MYCBP2: variants seen among roughly 807,000 people sequenced by gnomAD.
MYCBP2 encodes E3 ubiquitin-protein ligase MYCBP2.
MYCBP2 carries 120 observed loss-of-function variants against 525.3 expected under a neutral mutation model. The ratio of observed to expected loss-of-function variants is 0.23; its 90% CI spans 0.20 to 0.27. The LOEUF is 0.27. Ranked by LOEUF, MYCBP2 falls within the 10% of genes least tolerant of loss-of-function variation. The pLI, the probability that MYCBP2 is intolerant of heterozygous loss-of-function variation, is 1.00. For missense variants in MYCBP2, 4,149 were observed against 5,657.1 expected (o/e 0.73, Z 8.55); for synonymous variants, 1,894 against 1,955.8 (o/e 0.97, Z 0.83).
At chr13:77,071,383 T>C (rs1423324639) in intron 68 of MYCBP2, among the ~76,000 whole-genome samples, 1 of 151,622 alleles carries the variant, frequency 6.6e-6, no homozygotes, top group Non-Finnish European at 1.5e-5. Context: ...GTAAGAAAAC[T>C]GAGGTAAGAA....
Position 77,212,158 on chromosome 13 carries a change from T to C in MYCBP2, c.3060A>G (p.Lys1020=), listed in dbSNP as rs776925836. ...GQVFTFGSFS[K]GQLGRPILDV... ...CCAAAATTGGTCTGCCCAGTTGTCC[T>C]TTCTAAAAGATTAAATAAACCATAT... is the stretch of plus-strand genomic sequence containing the variant. The change falls in exon 22 of 83, where the codon AAA becomes AAG. Residue 1020 remains lysine (K), a splice_region_variant and synonymous_variant. Transcript: ENST00000544440. 1 of 1,613,612 alleles carries C rather than the reference T, an allele frequency of 6.2e-7. No individual in the cohort carries two copies. The highest frequency in any genetic ancestry group is 8.5e-7 in the Non-Finnish European group (1 of 1,179,754).
intron 29 of MYCBP2, 108 bp from the exon 30 acceptor site, chr13:77,189,155 A>T (rs1234785548): frequency 1.3e-6 from 1 of 753,262 alleles, no homozygotes. Flanking sequence ...ATATATTTAA[A>T]TTTTTTTGCC....
chr13:77,103,604 C>G (rs1002924210), intron 55 of MYCBP2, among the ~76,000 whole-genome samples: 1 of 151,958 alleles, frequency 6.6e-6, no homozygotes, highest in African/African-American at 2.4e-5. Context: ...TTTAGACTTA[C>G]ATTTCTTTGG....
intron 54 of MYCBP2, 37 bp downstream of exon 54, chr13:77,125,299 C>T: frequency 6.2e-7 from 1 of 1,611,494 alleles, no homozygotes; most frequent in Non-Finnish European, 8.5e-7. Flanking sequence ...TATTTGAAAG[C>T]TTAATTGGAA....
At chr13:77,254,605 C>T (rs1376363788) in intron 14 of MYCBP2, among the ~76,000 whole-genome samples, 1 of 151,752 alleles carries the variant, frequency 6.6e-6, no homozygotes, top group Non-Finnish European at 1.5e-5. Flanking sequence ...GTCAAGATAA[C>T]TGGGATATTC....
intron 63 of MYCBP2, among the ~76,000 whole-genome samples, chr13:77,082,602 G>A (rs2043489452): frequency 6.6e-6 from 1 of 152,114 alleles, no homozygotes; most frequent in African/African-American, 2.4e-5. Flanking sequence ...GGAATCTGTT[G>A]AGCATCTGTG....
intron 37 of MYCBP2, among the ~76,000 whole-genome samples, chr13:77,172,827 G>A (rs1194409235): frequency 6.6e-6 from 1 of 152,236 alleles, no homozygotes; most frequent in Non-Finnish European, 1.5e-5. Flanking sequence ...CAGCATTCTG[G>A]TTAAGGGTGT....
chr13:77,050,961 G>T lies in MYCBP2; in HGVS notation c.13921+36C>A, dbSNP rs140730309. The T allele has an allele frequency of 2.5e-3, 3,865 of 1,552,040 alleles. 6 individuals carry two copies. Among genetic ancestry groups the T allele is most frequent in the Non-Finnish European group, 3.0e-3 (3,381 of 1,140,624 alleles). Reference sequence around the variant, plus strand: ...TGTTTACATAAAACTATGGTATATAGATCATAATCGTGATTTTAAAATATT... The same window carrying T: ...TGTTTACATAAAACTATGGTATATATATCATAATCGTGATTTTAAAATATT... On this transcript the variant is annotated intron_variant, in intron 82 of 82. Transcript: ENST00000544440.
At chr13:77,244,421 T>C (rs952704238) in intron 15 of MYCBP2, among the ~76,000 whole-genome samples, 1 of 152,142 alleles carries the variant, frequency 6.6e-6, no homozygotes, top group Admixed American at 6.5e-5. Context: ...TCCTTCCCAT[T>C]CCCTATTTAA....
chr13:77,211,969 A>T lies in MYCBP2; in HGVS notation c.3249T>A (p.Ser1083Arg). The T allele has an allele frequency of 6.2e-7, 1 of 1,613,850 alleles. No homozygotes were observed. Among genetic ancestry groups the T allele is most frequent in the Non-Finnish European group, 8.5e-7 (1 of 1,179,794 alleles). The change falls in exon 22 of 83, where the codon AGT (serine) becomes AGA (arginine). Residue 1083 changes from serine to arginine, a missense_variant. Ser to Arg is a moderately radical substitution (Grantham distance 110). Transcript: ENST00000544440. ...TTCTGGTATTACCTATTATGTGTTTACTGGCAAAAATTTCTGATGTAGCAA... is the reference window on the plus strand; with the variant it reads ...TTCTGGTATTACCTATTATGTGTTTTCTGGCAAAAATTTCTGATGTAGCAA... ...HVLATSEIFA[S>R]KHIIGLVPAS... is the part of the protein sequence containing the mutation.
At chr13:77,276,043 T>C (rs1404402278) in intron 4 of MYCBP2, among the ~76,000 whole-genome samples, 5 of 152,204 alleles carry the variant, frequency 3.3e-5, no homozygotes, top group Admixed American at 1.3e-4. Flanking sequence ...TTTATCCACA[T>C]TTGTAATTAT....
intron 39 of MYCBP2, 32 bp downstream of exon 39, chr13:77,169,582 A>T (rs1244140461): frequency 6.4e-7 from 1 of 1,563,392 alleles, no homozygotes; most frequent in Non-Finnish European, 8.8e-7. Flanking sequence ...ATTTAAAAAA[A>T]ACATTCAAAG....
At chr13:77,282,043 A>C (rs2076241340) in intron 3 of MYCBP2, among the ~76,000 whole-genome samples, 1 of 152,196 alleles carries the variant, frequency 6.6e-6, no homozygotes, top group South Asian at 2.1e-4. Flanking sequence ...AAATTTAAAA[A>C]TCTAGAGACA....
intron 39 of MYCBP2, among the ~76,000 whole-genome samples, chr13:77,169,280 C>T (rs1383422069): frequency 6.6e-6 from 1 of 151,674 alleles, no homozygotes; most frequent in Non-Finnish European, 1.5e-5. Flanking sequence ...CCTGTAGTCC[C>T]AGCAACTCGG....
chr13:77,079,669 T>C (rs2042957067), intron 65 of MYCBP2, among the ~76,000 whole-genome samples: 1 of 152,170 alleles, frequency 6.6e-6, no homozygotes, highest in Admixed American at 6.6e-5. Flanking sequence ...TATTTGGGAC[T>C]AGAAGTGTTT....
chr13:77,107,154 T>G (rs1444953863), intron 55 of MYCBP2, among the ~76,000 whole-genome samples: 1 of 152,198 alleles, frequency 6.6e-6, no homozygotes, highest in Non-Finnish European at 1.5e-5. Context: ...CCAGTCATTG[T>G]GCATTTCTAT....
intron 19 of MYCBP2, among the ~76,000 whole-genome samples, 165 bp downstream of exon 19, chr13:77,225,270 T>C (rs1160540470): frequency 1.3e-5 from 2 of 152,178 alleles, no homozygotes; most frequent in Non-Finnish European, 2.9e-5. Flanking sequence ...GCCATAGTTG[T>C]TTAAAGAGAT....
In MYCBP2 at chr13:77,111,483, G is replaced by A. The variant is rs879908145; in HGVS notation, c.8140+9890C>T. 4.8e-4 allele frequency among the ~76,000 whole-genome samples: 72 copies of A among 150,580 alleles called. 2 individuals carry two copies. The highest frequency in any genetic ancestry group is 8.4e-4 in the Non-Finnish European group (57 of 67,744). On this transcript the variant is annotated intron_variant, in intron 55 of 82. Transcript: ENST00000544440. The stretch of plus-strand genomic sequence containing the variant: ...GGCAGGGTCTTGCTCTTTTCGCCCA[G>A]GCTGCTCACTGCAGCCTCAAACTCC...
At chr13:77,261,406 G>A in intron 11 of MYCBP2, 31 bp from the exon 12 acceptor site, 1 of 1,477,308 alleles carries the variant, frequency 6.8e-7, no homozygotes, top group Non-Finnish European at 9.3e-7. Context: ...AGGAATTATG[G>A]TACTTTTTGG....
Sources: allele counts gnomAD v4.1 joint callset (sites outside exome capture counted in the v4.1 genomes callset), GRCh38; gene constraint gnomAD v4.1.1; transcripts MANE v1.5; gene names NCBI Gene and HGNC (gene_info 2026-07-23, HGNC 2026-07-21).